The following CDH23 variants were observed in gnomAD, a reference collection of about 807,000 sequenced individuals.
The protein encoded by CDH23 is cadherin related 23.
A neutral mutation model predicts 317.1 loss-of-function variants in CDH23; 189 were observed. The ratio of observed to expected loss-of-function variants is 0.60; its 90% CI spans 0.53 to 0.67. CDH23 has a LOEUF of 0.67. Ranked by LOEUF, CDH23 falls within the 30% of genes least tolerant of loss-of-function variation. CDH23 has a pLI of 0.00. For synonymous variants in CDH23, 1,839 were observed against 1,876.8 expected, an observed-to-expected ratio of 0.98 and a Z score of 0.52; for missense variants, 4,401 against 4,592.4, an observed-to-expected ratio of 0.96 and a Z score of 1.20.
intron 6 of CDH23, among the ~76,000 whole-genome samples, chr10:71,528,930 T>G (rs1855199428): frequency 6.6e-6 from 1 of 152,216 alleles, no homozygotes; most frequent in Non-Finnish European, 1.5e-5. Context: ...TTGTTTCCTG[T>G]GTCCCCAAGC....
At chr10:71,615,665 C>A in intron 10 of CDH23, 49 bp downstream of exon 10, 1 of 1,347,010 alleles carries the variant, frequency 7.4e-7, no homozygotes, top group Non-Finnish European at 1.1e-6. Flanking sequence ...GATGCCCCTA[C>A]TCGGATGCCA....
At chr10:71,652,781 C>A (rs1004356894) in intron 14 of CDH23, among the ~76,000 whole-genome samples, 8 of 152,186 alleles carry the variant, frequency 5.3e-5, no homozygotes, top group African/African-American at 1.9e-4. Flanking sequence ...GGCAAGGACA[C>A]CACCCTCAGA....
rs144480178 is a variant in CDH23, at chr10:71,581,349, G to A, written c.832+3357G>A. Reference sequence around the variant, plus strand: ...GACATGGGTGACTTGAGTCTCTGGGGCACCCCCAGAAGCCTGGGCTGGTGG... The same window carrying A: ...GACATGGGTGACTTGAGTCTCTGGGACACCCCCAGAAGCCTGGGCTGGTGG... On this transcript the variant is annotated intron_variant, in intron 9 of 69. Coordinates refer to ENST00000224721, the MANE Select transcript of CDH23 (RefSeq NM_022124.6). 8.3e-3 allele frequency among the ~76,000 whole-genome samples: 1,270 copies of A among 152,250 alleles called. 15 individuals carry two copies. Among genetic ancestry groups the A allele is most frequent in the African/African-American group, 0.028 (1,162 of 41,542 alleles).
In CDH23 at chr10:71,811,384, C is replaced by T. The variant is rs576478564; in HGVS notation, c.9147C>T (p.Asp3049=). 6 of 1,613,964 alleles carry T rather than the reference C, an allele frequency of 3.7e-6. No individual in the cohort carries two copies. The highest frequency in any genetic ancestry group is 5.1e-6 in the Non-Finnish European group (6 of 1,179,892). ...RNLFRNYNVL[D]VQPAISVRLP... Reference sequence around the variant, plus strand: ...TTTTCCGGAACTACAACGTCCTGGACGTGCAGCCTGCCATCTCTGTCCGGC... The same window carrying T: ...TTTTCCGGAACTACAACGTCCTGGATGTGCAGCCTGCCATCTCTGTCCGGC... Residue 3049 remains aspartate, a synonymous_variant, in exon 63 of 70, where the codon GAC becomes GAT. Coordinates refer to ENST00000224721, the MANE Select transcript of CDH23 (RefSeq NM_022124.6).
chr10:71,622,996 G>A, intron 11 of CDH23: 2 of 979,236 alleles, frequency 2.0e-6, no homozygotes, highest in Non-Finnish European at 2.4e-6. Context: ...TTGGGGGTTA[G>A]TTATTAATTC....
chr10:71,761,733 G>C (rs767970601), intron 38 of CDH23: 1 of 1,614,130 alleles, frequency 6.2e-7, no homozygotes, highest in South Asian at 1.1e-5. Context: ...AAGTTGCCAT[G>C]GTGGTCGGAG....
chr10:71,519,922 G>A (rs145854412), intron 6 of CDH23, among the ~76,000 whole-genome samples: 76 of 152,042 alleles, frequency 5.0e-4, no homozygotes, highest in African/African-American at 1.7e-3. Flanking sequence ...CCAAGTAGCT[G>A]GGACTACAGG....
intron 3 of CDH23, among the ~76,000 whole-genome samples, chr10:71,496,507 G>A (rs1032157534): frequency 6.6e-6 from 1 of 152,158 alleles, no homozygotes; most frequent in Non-Finnish European, 1.5e-5. Flanking sequence ...TACATCACCT[G>A]GCGATTTAGA....
intron 6 of CDH23, among the ~76,000 whole-genome samples, chr10:71,558,588 A>G (rs1163022490): frequency 6.6e-6 from 1 of 151,864 alleles, no homozygotes; most frequent in African/African-American, 2.4e-5. Context: ...TCTGTCTTTC[A>G]TGTTAGAGGC....
At chr10:71,609,135 G>A (rs184415461) in intron 9 of CDH23, among the ~76,000 whole-genome samples, 36 of 152,132 alleles carry the variant, frequency 2.4e-4, no homozygotes, top group Admixed American at 2.3e-3. Flanking sequence ...TGGGGCAGGG[G>A]GCGTGAAGGG....
At chr10:71,734,195 A>G (rs764841408) in intron 32 of CDH23, 45 bp from the exon 33 acceptor site, 85 of 1,505,818 alleles carry the variant, frequency 5.6e-5, no homozygotes, top group Non-Finnish European at 7.6e-5. Flanking sequence ...CAGGGTTAAC[A>G]AGGGTGCGAT....
intron 3 of CDH23, among the ~76,000 whole-genome samples, chr10:71,495,930 A>C (rs1468374151): frequency 6.6e-6 from 1 of 152,222 alleles, no homozygotes; most frequent in Non-Finnish European, 1.5e-5. Context: ...GTGGTCTCAG[A>C]CAGGCAGCAT....
intron 9 of CDH23, among the ~76,000 whole-genome samples, chr10:71,585,491 G>A (rs548333757): frequency 6.6e-6 from 1 of 152,184 alleles, no homozygotes; most frequent in Non-Finnish European, 1.5e-5. Context: ...CAAAGTGCAG[G>A]TTTAGCCCAT....
chr10:71,681,512 T>A (rs994894979), intron 17 of CDH23, among the ~76,000 whole-genome samples: 5 of 151,912 alleles, frequency 3.3e-5, no homozygotes, highest in Admixed American at 2.0e-4. Context: ...CTAAACAGAG[T>A]TCTGTTGAAG....
In CDH23 at chr10:71,799,575, C is replaced by T; in HGVS notation, c.7308C>T (p.Leu2436=). Residue 2436 remains leucine, a synonymous_variant, in exon 52 of 70, where the codon CTC becomes CTT. Coordinates refer to ENST00000224721, the MANE Select transcript of CDH23 (RefSeq NM_022124.6). The part of the protein sequence containing the change: ...ATDADSGNFA[L]IEYSLGDGES... ...ATGCTGACTCAGGCAACTTTGCACTCATTGAGTACAGCCTTGGAGATGGAG... is the reference window on the plus strand; with the variant it reads ...ATGCTGACTCAGGCAACTTTGCACTTATTGAGTACAGCCTTGGAGATGGAG... The T allele has an allele frequency of 6.2e-7, 1 of 1,614,060 alleles. No homozygotes were observed. The highest frequency in any genetic ancestry group is 1.1e-5 in the South Asian group (1 of 91,090).
chr10:71,457,182 A>G (rs1286970274), intron 3 of CDH23, among the ~76,000 whole-genome samples: 3 of 152,240 alleles, frequency 2.0e-5, no homozygotes, highest in Non-Finnish European at 4.4e-5. Context: ...CAAGAAGGCA[A>G]TGGAACAGGC....
rs559327211 is a variant in CDH23 at position 71,793,728 on chromosome 10, T to A, written c.6712+88T>A. 31 of 1,020,528 alleles carry A rather than the reference T, an allele frequency of 3.0e-5. No individual in the cohort carries two copies. The African/African-American group carries it at 4.4e-4, about 14-fold the overall frequency. The allele number at this position is 1,020,528 out of a possible 1,614,324, so 63.2% of individuals were successfully genotyped here. On this transcript the variant is annotated intron_variant, in intron 48 of 69. Coordinates refer to ENST00000224721, the MANE Select transcript of CDH23 (RefSeq NM_022124.6). The stretch of plus-strand genomic sequence containing the variant: ...GCTTCCCCCTTCTTTCTCCTTTCTC[T>A]TTCTTTGCTGTTCCCTTGCTACTCT...
intron 10 of CDH23, among the ~76,000 whole-genome samples, chr10:71,615,887 A>C (rs1861161977): frequency 6.6e-6 from 1 of 152,222 alleles, no homozygotes; most frequent in African/African-American, 2.4e-5. Flanking sequence ...AGCGGGAGGC[A>C]CACAGTAGGT....
At chr10:71,574,537 C>T (rs571164399) in intron 8 of CDH23, among the ~76,000 whole-genome samples, 7 of 152,284 alleles carry the variant, frequency 4.6e-5, no homozygotes, top group South Asian at 2.1e-4. Context: ...CCTGCTCCCC[C>T]CAAGGACGCC....
Sources: allele counts gnomAD v4.1 joint callset (sites outside exome capture counted in the v4.1 genomes callset), GRCh38; gene constraint gnomAD v4.1.1; transcripts MANE v1.5; gene names NCBI Gene and HGNC (gene_info 2026-07-23, HGNC 2026-07-21).